GALNT2: variants seen among roughly 807,000 people sequenced by gnomAD.
The protein encoded by GALNT2 is polypeptide N-acetylgalactosaminyltransferase 2, also known as UDP-GalNAc:polypeptide N-acetylgalactosaminyltransferase 2.
GALNT2 carries 31 observed loss-of-function variants against 81.4 expected under a neutral mutation model. The ratio of observed to expected loss-of-function variants is 0.38; its 90% CI spans 0.29 to 0.51. The LOEUF is 0.51. Ranked by LOEUF, GALNT2 falls within the 20% of genes least tolerant of loss-of-function variation. GALNT2 has a pLI of 0.87. For missense variants in GALNT2, 629 were observed against 765.7 expected (o/e 0.82, Z 2.11); for synonymous variants, 303 against 287.4 (o/e 1.05, Z -0.55).
intron 3 of GALNT2, among the ~76,000 whole-genome samples, chr1:230,217,818 C>G (rs527621304): frequency 3.3e-5 from 5 of 152,210 alleles, no homozygotes; most frequent in Non-Finnish European, 4.4e-5. Context: ...TTTAAAGGGT[C>G]TTCATTCCTT....
rs572424337 is a variant in GALNT2, at chr1:230,164,254, G to A, written c.127-13964G>A. On this transcript the variant is annotated intron_variant, in intron 1 of 15. Transcript: ENST00000366672. ...GGGGCAGAAGGGCCGTCGGGCCCAT[G>A]GGGAAGTACCCAGTAGAGGCCGGTG... 2.1e-4 allele frequency among the ~76,000 whole-genome samples: 32 copies of A among 152,316 alleles called. No homozygotes were observed. The South Asian group carries it at 6.2e-3, about 30-fold the overall frequency.
At chr1:230,254,059 A>C (rs530024103) in intron 10 of GALNT2, among the ~76,000 whole-genome samples, 20 of 152,356 alleles carry the variant, frequency 1.3e-4, no homozygotes, top group African/African-American at 4.6e-4. Context: ...TAGATAATAC[A>C]GAGGAAAATT....
intron 15 of GALNT2, among the ~76,000 whole-genome samples, chr1:230,274,794 A>G (rs748091339): frequency 1.3e-5 from 2 of 152,168 alleles, no homozygotes; most frequent in Non-Finnish European, 2.9e-5. Flanking sequence ...GCCGCTGAAA[A>G]TTTAAAGAGA....
chr1:230,112,492 A>G (rs1403892782), intron 1 of GALNT2, among the ~76,000 whole-genome samples: 1 of 152,048 alleles, frequency 6.6e-6, no homozygotes, highest in African/African-American at 2.4e-5. Flanking sequence ...ACAGAGATGC[A>G]CACAGCTGGT....
At chr1:230,189,927 A>G (rs1174464624) in intron 2 of GALNT2, among the ~76,000 whole-genome samples, 5 of 152,150 alleles carry the variant, frequency 3.3e-5, no homozygotes, top group Admixed American at 3.3e-4. Context: ...TTCACTTAGC[A>G]TAACTCCTCC....
chr1:230,215,869 T>C (rs1160826987), intron 3 of GALNT2, among the ~76,000 whole-genome samples: 2 of 152,218 alleles, frequency 1.3e-5, no homozygotes, highest in East Asian at 3.8e-4. Context: ...GACTAGTGGC[T>C]TGTATATATA....
chr1:230,105,369 C>T (rs1660512450), intron 1 of GALNT2, among the ~76,000 whole-genome samples: 2 of 152,168 alleles, frequency 1.3e-5, no homozygotes, highest in African/African-American at 4.8e-5. Context: ...GGGCTCTTGT[C>T]GCACCATATC....
chr1:230,247,549 G>C (rs1349539952), intron 8 of GALNT2, among the ~76,000 whole-genome samples: 2 of 152,184 alleles, frequency 1.3e-5, no homozygotes, highest in African/African-American at 4.8e-5. Context: ...AAATGTTTGG[G>C]GACATTAAAG....
intron 3 of GALNT2, among the ~76,000 whole-genome samples, chr1:230,214,893 C>G (rs1664340512): frequency 6.6e-6 from 1 of 152,154 alleles, no homozygotes; most frequent in Non-Finnish European, 1.5e-5. Context: ...TTCCTCTGCT[C>G]TGTCTAGTCT....
intron 1 of GALNT2, among the ~76,000 whole-genome samples, chr1:230,083,281 C>G (rs1200930268): frequency 7.6e-6 from 1 of 130,942 alleles, no homozygotes. Context: ...AGTGGGGAGC[C>G]CAGATGTTGG....
intron 1 of GALNT2, among the ~76,000 whole-genome samples, chr1:230,126,994 C>T (rs1384705175): frequency 6.6e-6 from 1 of 152,188 alleles, no homozygotes; most frequent in Non-Finnish European, 1.5e-5. Flanking sequence ...TTTCCTCTTC[C>T]TGGTAGTGGG....
chr1:230,157,527 T>C (rs1662297025), intron 1 of GALNT2, among the ~76,000 whole-genome samples: 1 of 152,240 alleles, frequency 6.6e-6, no homozygotes, highest in Non-Finnish European at 1.5e-5. Flanking sequence ...CTCTTGGGAT[T>C]CATAATGGCA....
chr1:230,175,979 A>G (rs1662967528), intron 1 of GALNT2, among the ~76,000 whole-genome samples: 1 of 152,140 alleles, frequency 6.6e-6, no homozygotes, highest in African/African-American at 2.4e-5. Context: ...TCATTGTAAG[A>G]CAGGAATTAT....
chr1:230,115,984 C>G (rs1660832361), intron 1 of GALNT2, among the ~76,000 whole-genome samples: 1 of 152,216 alleles, frequency 6.6e-6, no homozygotes. Context: ...TTCTAGTTCT[C>G]TTGGTGTTTC....
intron 1 of GALNT2, among the ~76,000 whole-genome samples, chr1:230,135,893 G>C (rs1164191646): frequency 6.6e-6 from 1 of 151,308 alleles, no homozygotes; most frequent in Non-Finnish European, 1.5e-5. Flanking sequence ...GGGTCTCACT[G>C]TGTTGCCCAG....
At chr1:230,085,097 G>T (rs138051483) in intron 1 of GALNT2, among the ~76,000 whole-genome samples, 79 of 152,300 alleles carry the variant, frequency 5.2e-4, no homozygotes, top group Non-Finnish European at 9.8e-4. Context: ...AGAATGATCA[G>T]TTGTTTGTAA....
chr1:230,165,298 G>A (rs1375649321), intron 1 of GALNT2, among the ~76,000 whole-genome samples: 1 of 152,110 alleles, frequency 6.6e-6, no homozygotes, highest in African/African-American at 2.4e-5. Flanking sequence ...TAAGCATTTT[G>A]CATGTGGCTC....
At chr1:230,252,280 A>G (rs1330923878) in intron 10 of GALNT2, among the ~76,000 whole-genome samples, 3 of 152,200 alleles carry the variant, frequency 2.0e-5, no homozygotes, top group Non-Finnish European at 4.4e-5. Context: ...GAGAGGCCCG[A>G]GTAAGATCCA....
chr1:230,183,844 G>A (rs1428902733), intron 2 of GALNT2, among the ~76,000 whole-genome samples: 1 of 152,038 alleles, frequency 6.6e-6, no homozygotes, highest in African/African-American at 2.4e-5. Context: ...CAGGTGTGGT[G>A]GTGCGTGCCT....
Sources: gnomAD v4.1 joint callset for allele counts (sites outside exome capture counted in the v4.1 genomes callset) on GRCh38, gnomAD v4.1.1 for gene constraint, MANE v1.5 for transcripts, NCBI Gene and HGNC (gene_info 2026-07-23, HGNC 2026-07-21) for gene names.